ARHGAP12: variants seen among roughly 807,000 people sequenced by gnomAD.
ARHGAP12 encodes the protein Rho GTPase activating protein 12.
Under a neutral mutation model 108.6 loss-of-function variants are expected in ARHGAP12, and 64 were observed. The observed-to-expected ratio is 0.59, with a 90% CI of 0.48 to 0.73. The LOEUF is 0.73. Ranked by LOEUF, ARHGAP12 falls within the 30% of genes least tolerant of loss-of-function variation. ARHGAP12 has a pLI of 0.00. For missense variants in ARHGAP12, 940 were observed against 1,005.9 expected, an observed-to-expected ratio of 0.93 and a Z score of 0.89; for synonymous variants, 312 against 337.2, an observed-to-expected ratio of 0.93 and a Z score of 0.82.
At chr10:31,831,896 A>T (rs1835848665) in intron 9 of ARHGAP12, 96 bp from the exon 10 acceptor site, 2 of 633,950 alleles carry the variant, frequency 3.2e-6, no homozygotes, top group Non-Finnish European at 5.1e-6. Flanking sequence ...TTCTCTAAAA[A>T]TTAGCTTAAA....
At chr10:31,871,868 C>T (rs1049250998) in intron 3 of ARHGAP12, among the ~76,000 whole-genome samples, 2 of 152,168 alleles carry the variant, frequency 1.3e-5, no homozygotes, top group Non-Finnish European at 2.9e-5. Flanking sequence ...AAGTTTATTA[C>T]AGGCAAAAGA....
intron 3 of ARHGAP12, among the ~76,000 whole-genome samples, chr10:31,889,274 G>C (rs1838314992): frequency 2.0e-5 from 3 of 152,192 alleles, no homozygotes; most frequent in Admixed American, 6.5e-5. Flanking sequence ...AGAAAACCCA[G>C]AACCTGGCAG....
chr10:31,832,884 T>C (rs955161254), intron 9 of ARHGAP12, among the ~76,000 whole-genome samples: 1 of 152,166 alleles, frequency 6.6e-6, no homozygotes, highest in Non-Finnish European at 1.5e-5. Context: ...TCAATTTACA[T>C]TTTTGGTATA....
intron 3 of ARHGAP12, among the ~76,000 whole-genome samples, chr10:31,867,208 G>T (rs1017665033): frequency 6.7e-6 from 1 of 150,136 alleles, no homozygotes; most frequent in Admixed American, 6.7e-5. Context: ...TCCACCTCCT[G>T]AAGAACCTTG....
intron 9 of ARHGAP12, among the ~76,000 whole-genome samples, chr10:31,832,020 CCTT>C (rs758187882): frequency 5.3e-5 from 8 of 152,030 alleles, no homozygotes; most frequent in Non-Finnish European, 8.8e-5. Context: ...TTCTTTTTCT[CCTT>C]AAGTCACAGC....
At chr10:31,901,651 A>G (rs1838933431) in intron 3 of ARHGAP12, among the ~76,000 whole-genome samples, 1 of 152,082 alleles carries the variant, frequency 6.6e-6, no homozygotes, top group African/African-American at 2.4e-5. Flanking sequence ...TAAAGTTACT[A>G]TATTCCAGTA....
chr10:31,875,704 A>T (rs1837703346), intron 3 of ARHGAP12, among the ~76,000 whole-genome samples: 1 of 152,204 alleles, frequency 6.6e-6, no homozygotes, highest in Non-Finnish European at 1.5e-5. Context: ...AAAATGTACC[A>T]CTTTAACCAT....
intron 5 of ARHGAP12, among the ~76,000 whole-genome samples, 195 bp downstream of exon 5, chr10:31,853,871 T>C (rs1239569807): frequency 6.6e-6 from 1 of 152,190 alleles, no homozygotes; most frequent in Non-Finnish European, 1.5e-5. Context: ...AGCATAAAAA[T>C]TACTATCATC....
chr10:31,858,690 G>A (rs111315945), intron 4 of ARHGAP12, among the ~76,000 whole-genome samples: 221 of 152,236 alleles, frequency 1.5e-3, no homozygotes, highest in African/African-American at 5.2e-3. Flanking sequence ...GATTGTTCTA[G>A]GGTAACCACT....
At chr10:31,831,102 CA>C (rs1329481651) in intron 10 of ARHGAP12, among the ~76,000 whole-genome samples, 1 of 152,048 alleles carries the variant, frequency 6.6e-6, no homozygotes, top group Non-Finnish European at 1.5e-5. Flanking sequence ...CATGTACTAG[CA>C]AAAATGATAA....
At chr10:31,883,423 T>C (rs1838061993) in intron 3 of ARHGAP12, among the ~76,000 whole-genome samples, 2 of 152,228 alleles carry the variant, frequency 1.3e-5, no homozygotes, top group Non-Finnish European at 2.9e-5. Flanking sequence ...CATCTTAAAG[T>C]ATTGAAAACA....
chr10:31,863,265 A>G (rs1012662767), intron 3 of ARHGAP12, among the ~76,000 whole-genome samples: 3 of 152,228 alleles, frequency 2.0e-5, no homozygotes, highest in African/African-American at 4.8e-5. Flanking sequence ...TCCATATCCT[A>G]GTGAATGTGT....
At chr10:31,838,989 C>A (rs762719085) in intron 9 of ARHGAP12, among the ~76,000 whole-genome samples, 1 of 151,878 alleles carries the variant, frequency 6.6e-6, no homozygotes, top group Non-Finnish European at 1.5e-5. Flanking sequence ...ACACTCCAGC[C>A]TGGACAACAG....
intron 1 of ARHGAP12, among the ~76,000 whole-genome samples, chr10:31,912,542 G>C (rs1056319427): frequency 6.6e-6 from 1 of 152,148 alleles, no homozygotes; most frequent in Non-Finnish European, 1.5e-5. Context: ...AAAGCAAGTC[G>C]GTTTTACTAT....
rs889810702 is a variant in ARHGAP12 at position 31,928,790 on chromosome 10, G to C, written c.-218C>G. ...CGTTCACACGGCTACGGCCGCGGCC[G>C]GCCCGTCCCCGCAGGCTGGCCTCTG... On this transcript the variant is annotated 5_prime_UTR_variant, in exon 1 of 20. Transcript: ENST00000344936. 1 of 151,850 alleles carries C rather than the reference G, an allele frequency of 6.6e-6. No homozygotes were observed. The highest frequency in any genetic ancestry group is 1.5e-5 in the Non-Finnish European group (1 of 67,950). 9.4% of individuals were successfully genotyped at this position (151,850 alleles called of 1,614,324 possible). A position where few individuals can be genotyped will look rare whatever the true frequency, so the allele number is the denominator to read the frequency against.
At chr10:31,914,819 G>A (rs1189787263) in intron 1 of ARHGAP12, among the ~76,000 whole-genome samples, 1 of 152,170 alleles carries the variant, frequency 6.6e-6, no homozygotes, top group Non-Finnish European at 1.5e-5. Context: ...AAATCAGTAT[G>A]TGAAGAGATA....
intron 9 of ARHGAP12, among the ~76,000 whole-genome samples, chr10:31,837,563 G>C (rs1836075938): frequency 6.6e-6 from 1 of 152,152 alleles, no homozygotes; most frequent in Admixed American, 6.5e-5. Flanking sequence ...CTTTCTGGAA[G>C]GGTCCATCTT....
chr10:31,866,901 G>A (rs936816006), intron 3 of ARHGAP12, among the ~76,000 whole-genome samples: 1 of 152,134 alleles, frequency 6.6e-6, no homozygotes, highest in Non-Finnish European at 1.5e-5. Context: ...TAACAGGCGT[G>A]AGCCACCGTG....
At chr10:31,837,342 GT>G (rs1340484025) in intron 9 of ARHGAP12, among the ~76,000 whole-genome samples, 1 of 152,162 alleles carries the variant, frequency 6.6e-6, no homozygotes, top group Non-Finnish European at 1.5e-5. Flanking sequence ...GTTATGTAAT[GT>G]TTATGTACCC....
Sources: allele counts gnomAD v4.1 joint callset (sites outside exome capture counted in the v4.1 genomes callset), GRCh38; gene constraint gnomAD v4.1.1; transcripts MANE v1.5; gene names NCBI Gene and HGNC (gene_info 2026-07-23, HGNC 2026-07-21).